The following CAMK2D variants were observed in gnomAD, a reference collection of about 807,000 sequenced individuals.
The protein encoded by CAMK2D is calcium/calmodulin-dependent protein kinase type II subunit delta.
A neutral mutation model predicts 84.0 loss-of-function variants in CAMK2D; 37 were observed. That is an observed-to-expected ratio of 0.44 (90% CI 0.34 to 0.58). The LOEUF (loss-of-function observed/expected upper bound fraction) is 0.58, where lower values mean the gene tolerates loss of function less well. Ranked by LOEUF, CAMK2D falls within the 20% of genes least tolerant of loss-of-function variation. CAMK2D has a pLI of 0.02. For missense variants in CAMK2D, 448 were observed against 652.5 expected, an observed-to-expected ratio of 0.69 and a Z score of 3.41; for synonymous variants, 202 against 212.5, an observed-to-expected ratio of 0.95 and a Z score of 0.43.
At chr4:113,597,491 C>T (rs1156739294) in intron 4 of CAMK2D, among the ~76,000 whole-genome samples, 1 of 152,202 alleles carries the variant, frequency 6.6e-6, no homozygotes, top group African/African-American at 2.4e-5. Flanking sequence ...TTTCTCACCC[C>T]TCTCAGCCTT....
intron 4 of CAMK2D, among the ~76,000 whole-genome samples, chr4:113,580,498 G>A (rs572438888): frequency 3.8e-4 from 58 of 152,234 alleles, no homozygotes; most frequent in Non-Finnish European, 7.8e-4. Context: ...AGTTAGAAAA[G>A]ATATTCAGAA....
intron 2 of CAMK2D, among the ~76,000 whole-genome samples, chr4:113,690,034 C>A (rs571497777): frequency 2.0e-5 from 3 of 151,872 alleles, no homozygotes; most frequent in African/African-American, 7.3e-5. Context: ...CCATGGTGGG[C>A]GAATAGGTGA....
chr4:113,473,825 G>T (rs2097573865), intron 16 of CAMK2D, among the ~76,000 whole-genome samples: 1 of 151,942 alleles, frequency 6.6e-6, no homozygotes, highest in South Asian at 2.1e-4. Flanking sequence ...GGATCATTTA[G>T]AATAAGTACA....
rs2099640910 is a variant in CAMK2D at position 113,761,289 on chromosome 4, C to T, written c.-221G>A. On this transcript the variant is annotated 5_prime_UTR_variant, in exon 1 of 21. Coordinates refer to ENST00000511664, the MANE Select transcript of CAMK2D (RefSeq NM_001321571.2). ...GGTCTCCTCCCCACAGTCCGCCGAT[C>T]CTCCTCCTCCTGCGGGCCTCGCTTC... 2.8e-6 allele frequency: 4 copies of T among 1,421,984 alleles called. No individual in the cohort carries two copies. The highest frequency in any genetic ancestry group is 3.7e-6 in the Non-Finnish European group (4 of 1,091,674). The allele number at this position is 1,421,984 out of a possible 1,614,324, so 88.1% of individuals were successfully genotyped here.
chr4:113,662,729 C>T (rs1020206989), intron 2 of CAMK2D, among the ~76,000 whole-genome samples: 3 of 152,278 alleles, frequency 2.0e-5, no homozygotes, highest in Admixed American at 2.0e-4. Context: ...TATGATGCAA[C>T]ACATGTCAAC....
intron 8 of CAMK2D, among the ~76,000 whole-genome samples, chr4:113,527,954 T>G (rs946610073): frequency 2.6e-5 from 4 of 152,298 alleles, no homozygotes; most frequent in Admixed American, 2.6e-4. Flanking sequence ...GAATAATTTA[T>G]TTAAATTCTT....
intron 3 of CAMK2D, among the ~76,000 whole-genome samples, chr4:113,611,767 T>C (rs1056593001): frequency 3.7e-4 from 56 of 152,264 alleles, no homozygotes; most frequent in African/African-American, 1.3e-3. Context: ...ATCAAACACA[T>C]GATACAAAAG....
At chr4:113,607,665 C>T (rs2098983702) in intron 4 of CAMK2D, among the ~76,000 whole-genome samples, 1 of 152,002 alleles carries the variant, frequency 6.6e-6, no homozygotes, top group Non-Finnish European at 1.5e-5. Context: ...TTTTCCACTA[C>T]CCACCCAAAT....
intron 2 of CAMK2D, among the ~76,000 whole-genome samples, chr4:113,750,553 G>C (rs2099614766): frequency 6.6e-6 from 1 of 152,188 alleles, no homozygotes; most frequent in South Asian, 2.1e-4. Flanking sequence ...CATAGGCCAG[G>C]AAATACTTGA....
chr4:113,511,404 G>C (rs1174038630), intron 12 of CAMK2D, among the ~76,000 whole-genome samples: 2 of 152,146 alleles, frequency 1.3e-5, no homozygotes, highest in Non-Finnish European at 2.9e-5. Context: ...AAAGGAAACT[G>C]TGAGGTAAAC....
chr4:113,742,330 AAAG>A (rs1174714754), intron 2 of CAMK2D, among the ~76,000 whole-genome samples: 4 of 152,310 alleles, frequency 2.6e-5, no homozygotes, highest in East Asian at 1.9e-4. Flanking sequence ...GGGAAGGTAC[AAAG>A]AAGATGTCTT....
intron 16 of CAMK2D, among the ~76,000 whole-genome samples, chr4:113,465,991 C>T (rs1393942026): frequency 6.6e-6 from 1 of 152,098 alleles, no homozygotes; most frequent in Non-Finnish European, 1.5e-5. Flanking sequence ...GTGGCTCATG[C>T]CTGTAATCCC....
chr4:113,691,935 TC>T (rs1056583034), intron 2 of CAMK2D, among the ~76,000 whole-genome samples: 16 of 152,296 alleles, frequency 1.1e-4, no homozygotes, highest in African/African-American at 3.9e-4. Flanking sequence ...AATGAAATTT[TC>T]TTCCTATTCC....
intron 2 of CAMK2D, among the ~76,000 whole-genome samples, chr4:113,714,310 G>A (rs889753458): frequency 1.3e-5 from 2 of 152,026 alleles, no homozygotes; most frequent in Non-Finnish European, 2.9e-5. Flanking sequence ...TTTACCACAA[G>A]TAAGTTTGGG....
intron 15 of CAMK2D, among the ~76,000 whole-genome samples, chr4:113,501,414 A>C (rs1365437805): frequency 6.6e-6 from 1 of 152,108 alleles, no homozygotes; most frequent in Non-Finnish European, 1.5e-5. Context: ...GGAATGATTA[A>C]ATGCTAGAGC....
chr4:113,634,834 C>G (rs1405453912), intron 3 of CAMK2D, among the ~76,000 whole-genome samples: 1 of 152,180 alleles, frequency 6.6e-6, no homozygotes, highest in Non-Finnish European at 1.5e-5. Context: ...GGCATTCCCC[C>G]AAGATCTGTC....
chr4:113,532,634 T>A (rs2098465523), intron 7 of CAMK2D, among the ~76,000 whole-genome samples: 1 of 152,152 alleles, frequency 6.6e-6, no homozygotes. Flanking sequence ...TTCTCTAGAG[T>A]TGACAGGCAA....
intron 13 of CAMK2D, among the ~76,000 whole-genome samples, chr4:113,508,600 T>TAATC (rs1312286557): frequency 1.3e-5 from 2 of 152,176 alleles, no homozygotes; most frequent in Non-Finnish European, 1.5e-5. Context: ...TGGAATAAAC[T>TAATC]AATCAGAATG....
At chr4:113,581,859 C>A (rs1360965820) in intron 4 of CAMK2D, among the ~76,000 whole-genome samples, 1 of 152,102 alleles carries the variant, frequency 6.6e-6, no homozygotes, top group Admixed American at 6.5e-5. Flanking sequence ...AAAAGTAGAT[C>A]TGTAGGGGAA....
Sources: gnomAD v4.1 joint callset for allele counts (sites outside exome capture counted in the v4.1 genomes callset) on GRCh38, gnomAD v4.1.1 for gene constraint, MANE v1.5 for transcripts, NCBI Gene and HGNC (gene_info 2026-07-23, HGNC 2026-07-21) for gene names.